The following CSMD2 variants were observed in gnomAD, a reference collection of about 807,000 sequenced individuals.
The protein encoded by CSMD2 is CUB and Sushi multiple domains 2.
In CSMD2, 130 loss-of-function variants were observed where a neutral mutation model predicts 398.5. The observed-to-expected ratio is 0.33, with a 90% CI of 0.28 to 0.38. The LOEUF is 0.38. CSMD2 is among the 10% of genes least tolerant of loss of function. The pLI is 1.00. For missense variants in CSMD2, 3,829 were observed against 4,764.9 expected (o/e 0.80, Z 5.78); for synonymous variants, 1,828 against 1,908.5 (o/e 0.96, Z 1.10).
At chr1:33,960,572 G>C (rs932077504) in intron 3 of CSMD2, among the ~76,000 whole-genome samples, 1 of 152,344 alleles carries the variant, frequency 6.6e-6, no homozygotes, top group African/African-American at 2.4e-5. Context: ...GGAGACAGAT[G>C]TGCAGCCAAA....
intron 5 of CSMD2, among the ~76,000 whole-genome samples, chr1:33,909,866 T>G (rs1643352302): frequency 6.6e-6 from 1 of 152,186 alleles, no homozygotes; most frequent in Non-Finnish European, 1.5e-5. Context: ...ATCTTCTTCC[T>G]TCTTGCAGCC....
At chr1:33,864,731 G>GA (rs1382018729) in intron 5 of CSMD2, 1 of 1,610,740 alleles carries the variant, frequency 6.2e-7, no homozygotes, top group African/African-American at 1.3e-5. Flanking sequence ...GGTGCAGAGG[G>GA]AAAAGAGTCA....
chr1:33,687,004 T>C (rs1401381592), intron 25 of CSMD2, among the ~76,000 whole-genome samples: 1 of 152,206 alleles, frequency 6.6e-6, no homozygotes, highest in Admixed American at 6.5e-5. Context: ...GTTCACTCAA[T>C]CTTCATAGCA....
chr1:34,081,410 C>G (rs1657098684), intron 2 of CSMD2, among the ~76,000 whole-genome samples: 1 of 151,404 alleles, frequency 6.6e-6, no homozygotes, highest in Non-Finnish European at 1.5e-5. Flanking sequence ...CCTTCCCCCT[C>G]CCCCTCCCCC....
chr1:33,550,671 A>T (rs1657360188), intron 55 of CSMD2, among the ~76,000 whole-genome samples: 1 of 152,188 alleles, frequency 6.6e-6, no homozygotes, highest in African/African-American at 2.4e-5. Context: ...CTGGGCAGGA[A>T]GGTGGTACGC....
intron 28 of CSMD2, among the ~76,000 whole-genome samples, chr1:33,649,673 T>C (rs1256711416): frequency 6.6e-6 from 1 of 152,098 alleles, no homozygotes; most frequent in African/African-American, 2.4e-5. Context: ...AACAATATAA[T>C]GAAATGACAT....
chr1:34,002,915 A>G (rs1161574287), intron 3 of CSMD2, among the ~76,000 whole-genome samples: 1 of 152,234 alleles, frequency 6.6e-6, no homozygotes, highest in African/African-American at 2.4e-5. Flanking sequence ...CAAGTTTTGT[A>G]AAATGAGCCC....
At chr1:33,693,780 G>A (rs552117767) in intron 24 of CSMD2, among the ~76,000 whole-genome samples, 16 of 151,994 alleles carry the variant, frequency 1.1e-4, no homozygotes, top group Non-Finnish European at 5.9e-5. Context: ...CAAGGCGGCC[G>A]GGCATGGTGG....
At chr1:33,761,266 C>G (rs1485882682) in intron 13 of CSMD2, among the ~76,000 whole-genome samples, 1 of 152,124 alleles carries the variant, frequency 6.6e-6, no homozygotes, top group African/African-American at 2.4e-5. Flanking sequence ...TTCCATGTCC[C>G]AAGCAAAGGC....
intron 10 of CSMD2, chr1:33,804,597 T>G: frequency 1.5e-6 from 1 of 660,738 alleles, no homozygotes; most frequent in Non-Finnish European, 2.8e-6. Context: ...ACGTGCACAC[T>G]CCTCAAGGGC....
intron 1 of CSMD2, among the ~76,000 whole-genome samples, chr1:34,128,859 T>G (rs1663022796): frequency 6.6e-6 from 1 of 152,154 alleles, no homozygotes; most frequent in Non-Finnish European, 1.5e-5. Context: ...TGACCCACCC[T>G]TGGGGCTGGA....
chr1:33,558,155 T>C (rs1156640483), intron 54 of CSMD2, among the ~76,000 whole-genome samples: 1 of 152,208 alleles, frequency 6.6e-6, no homozygotes, highest in African/African-American at 2.4e-5. Flanking sequence ...ACTCTCTTTC[T>C]GGTACTCCCT....
chr1:33,878,775 T>C (rs542193348), intron 5 of CSMD2, among the ~76,000 whole-genome samples: 11 of 152,332 alleles, frequency 7.2e-5, no homozygotes, highest in Admixed American at 4.6e-4. Flanking sequence ...TATTGAGATA[T>C]GACCTTTCCA....
intron 19 of CSMD2, 63 bp downstream of exon 19, chr1:33,724,134 C>A: frequency 8.5e-7 from 1 of 1,174,014 alleles, no homozygotes; most frequent in South Asian, 1.2e-5. Context: ...TCAACTTGAC[C>A]TGAGGAACTT....
intron 45 of CSMD2, 62 bp downstream of exon 45, chr1:33,587,026 G>T (rs968706888): frequency 7.4e-7 from 1 of 1,350,014 alleles, no homozygotes. Context: ...AGCTCCCCCC[G>T]CCACCTTCCC....
intron 15 of CSMD2, among the ~76,000 whole-genome samples, chr1:33,737,377 C>A (rs1317026626): frequency 1.3e-5 from 2 of 152,178 alleles, no homozygotes; most frequent in Non-Finnish European, 2.9e-5. Context: ...CTTGATCCCC[C>A]AAAGTGGAGC....
chr1:33,836,138 T>C (rs1660228972), intron 6 of CSMD2, among the ~76,000 whole-genome samples: 1 of 152,234 alleles, frequency 6.6e-6, no homozygotes, highest in Non-Finnish European at 1.5e-5. Context: ...CTCCAGACCC[T>C]GTTTGCCTGG....
intron 65 of CSMD2, among the ~76,000 whole-genome samples, chr1:33,526,702 CAT>C (rs879338748): frequency 2.6e-4 from 39 of 152,196 alleles, no homozygotes; most frequent in Middle Eastern, 3.2e-3. Flanking sequence ...GCATAATACA[CAT>C]GTTAATGTGG....
At chr1:33,522,610 G>A (rs185245083) in intron 67 of CSMD2, among the ~76,000 whole-genome samples, 1 of 152,288 alleles carries the variant, frequency 6.6e-6, no homozygotes, top group African/African-American at 2.4e-5. Context: ...TCCTGTCCAT[G>A]AGAATGCACT....
Sources: gnomAD v4.1 joint callset for allele counts (sites outside exome capture counted in the v4.1 genomes callset) on GRCh38, gnomAD v4.1.1 for gene constraint, MANE v1.5 for transcripts, NCBI Gene and HGNC (gene_info 2026-07-23, HGNC 2026-07-21) for gene names.